The following KRIT1 variants were observed in gnomAD, a reference collection of about 807,000 sequenced individuals.
The protein encoded by KRIT1 is krev interaction trapped protein 1.
Under a neutral mutation model 95.8 loss-of-function variants are expected in KRIT1, and 45 were observed. The observed-to-expected ratio is 0.47, with a 90% CI of 0.37 to 0.60. The LOEUF is 0.60. Among genes scored for constraint, KRIT1 ranks in the 20% least tolerant of loss-of-function variants. KRIT1 has a pLI of 0.00. For synonymous variants in KRIT1, 282 were observed against 278.8 expected (o/e 1.01, Z -0.11); for missense variants, 788 against 877.5 (o/e 0.90, Z 1.29).
intron 10 of KRIT1, among the ~76,000 whole-genome samples, chr7:92,233,812 C>G (rs963160718): frequency 6.6e-6 from 1 of 152,136 alleles, no homozygotes; most frequent in Non-Finnish European, 1.5e-5. Context: ...TAGAAGATGA[C>G]TTATAGTAAA....
At chr7:92,235,205 G>A (rs920305542) in intron 8 of KRIT1, among the ~76,000 whole-genome samples, 198 bp downstream of exon 8, 4 of 152,030 alleles carry the variant, frequency 2.6e-5, no homozygotes, top group African/African-American at 4.8e-5. Flanking sequence ...TCACCATGTT[G>A]GCCAGGCTGG....
At chr7:92,226,378 T>A (rs1437980100) in intron 11 of KRIT1, 148 bp downstream of exon 11, 1 of 683,778 alleles carries the variant, frequency 1.5e-6, no homozygotes, top group Non-Finnish European at 2.6e-6. Flanking sequence ...AAAGTACAAC[T>A]CATATATTCC....
intron 17 of KRIT1, among the ~76,000 whole-genome samples, chr7:92,205,404 A>G (rs1252578848): frequency 6.6e-6 from 1 of 152,234 alleles, no homozygotes; most frequent in Non-Finnish European, 1.5e-5. Flanking sequence ...CTGGGTTTAC[A>G]GTGAAATTTC....
chr7:92,230,490 C>T (rs1341538498), intron 10 of KRIT1, among the ~76,000 whole-genome samples: 1 of 152,038 alleles, frequency 6.6e-6, no homozygotes, highest in Non-Finnish European at 1.5e-5. Flanking sequence ...GGAAACAGAT[C>T]AAAAACTCAG....
intron 17 of KRIT1, 198 bp from the exon 18 acceptor site, chr7:92,201,621 G>A: frequency 1.9e-6 from 1 of 528,520 alleles, no homozygotes; most frequent in Non-Finnish European, 3.4e-6. Context: ...ATGCCATGGT[G>A]GTTTGCTGCA....
intron 10 of KRIT1, among the ~76,000 whole-genome samples, chr7:92,231,203 G>A (rs1030907425): frequency 6.6e-6 from 1 of 152,074 alleles, no homozygotes; most frequent in Non-Finnish European, 1.5e-5. Flanking sequence ...CTCTACAAGG[G>A]GTTAAAGCCA....
At chr7:92,226,792 C>A in intron 10 of KRIT1, 110 bp from the exon 11 acceptor site, 1 of 951,986 alleles carries the variant, frequency 1.1e-6, no homozygotes, top group Non-Finnish European at 1.6e-6. Flanking sequence ...TCAAAGAAAT[C>A]TAAGAATTTT....
At chr7:92,238,005 A>C (rs1798788371) in intron 5 of KRIT1, among the ~76,000 whole-genome samples, 2 of 152,178 alleles carry the variant, frequency 1.3e-5, no homozygotes, top group Non-Finnish European at 2.9e-5. Flanking sequence ...ATAGCTAGGA[A>C]AACTGTTCTG....
At chr7:92,212,418 G>A (rs1393918746) in intron 17 of KRIT1, among the ~76,000 whole-genome samples, 1 of 152,128 alleles carries the variant, frequency 6.6e-6, no homozygotes, top group Non-Finnish European at 1.5e-5. Context: ...AAATTGGTAT[G>A]TTGAAATCCT....
At chr7:92,212,720 CTT>C (rs1003382911) in intron 17 of KRIT1, among the ~76,000 whole-genome samples, 2 of 152,168 alleles carry the variant, frequency 1.3e-5, no homozygotes, top group Admixed American at 6.5e-5. Context: ...GTCTATAGGG[CTT>C]TGTTATAGTG....
At chr7:92,222,480 T>C (rs1420886777) in intron 13 of KRIT1, among the ~76,000 whole-genome samples, 1 of 152,086 alleles carries the variant, frequency 6.6e-6, no homozygotes, top group Non-Finnish European at 1.5e-5. Context: ...AGAAAACTAA[T>C]GTAAGAGAAA....
At chr7:92,227,748 T>G (rs1171315961) in intron 10 of KRIT1, among the ~76,000 whole-genome samples, 1 of 151,818 alleles carries the variant, frequency 6.6e-6, no homozygotes, top group Admixed American at 6.6e-5. Flanking sequence ...GCGTGGTGGC[T>G]CATGCCTATA....
chr7:92,210,507 T>C (rs1049311913), intron 17 of KRIT1, among the ~76,000 whole-genome samples: 10 of 152,144 alleles, frequency 6.6e-5, no homozygotes, highest in African/African-American at 2.2e-4. Flanking sequence ...CTAGACTCCA[T>C]CTCTCACCAT....
chr7:92,236,690 G>A lies in KRIT1; in HGVS notation c.356-148C>T, dbSNP rs1798504056. On this transcript the variant is annotated intron_variant, in intron 6 of 18. Transcript: ENST00000394505. Reference sequence around the variant, plus strand: ...GGAATTAGAAGGCCTGGATTCAAGTGATGACTAGCTCTGTGACCTTGTCCA... The same window carrying A: ...GGAATTAGAAGGCCTGGATTCAAGTAATGACTAGCTCTGTGACCTTGTCCA... 4 of 625,928 alleles carry A rather than the reference G, an allele frequency of 6.4e-6. No individual in the cohort carries two copies. The East Asian group carries it at 8.6e-5, about 13-fold the overall frequency. 38.8% of individuals were successfully genotyped at this position (625,928 alleles called of 1,614,324 possible). A position where few individuals can be genotyped will look rare whatever the true frequency, so the allele number is the denominator to read the frequency against.
At chr7:92,214,339 C>T (rs979042358) in intron 15 of KRIT1, among the ~76,000 whole-genome samples, 4 of 151,670 alleles carry the variant, frequency 2.6e-5, no homozygotes, top group Non-Finnish European at 5.9e-5. Context: ...ACTACTTATT[C>T]GAGTCAGGTT....
chr7:92,224,227 G>A (rs1020098812), intron 12 of KRIT1, among the ~76,000 whole-genome samples: 1 of 152,092 alleles, frequency 6.6e-6, no homozygotes, highest in African/African-American at 2.4e-5. Flanking sequence ...AGAGGCTTAG[G>A]TAAATGGGTT....
intron 8 of KRIT1, 49 bp downstream of exon 8, chr7:92,235,352 CTT>C (rs1398318367): frequency 3.2e-6 from 5 of 1,584,892 alleles, no homozygotes; most frequent in Admixed American, 1.7e-5. Flanking sequence ...AAAAATTACA[CTT>C]GAGATAAAAC....
intron 17 of KRIT1, among the ~76,000 whole-genome samples, chr7:92,204,309 CA>C (rs1434158392): frequency 3.3e-5 from 5 of 151,384 alleles, no homozygotes; most frequent in Non-Finnish European, 7.4e-5. Flanking sequence ...GCAAATGACC[CA>C]AAAGCAAGGT....
At chr7:92,233,923 G>C (rs1055976294) in intron 10 of KRIT1, among the ~76,000 whole-genome samples, 5 of 152,186 alleles carry the variant, frequency 3.3e-5, no homozygotes, top group African/African-American at 7.2e-5. Context: ...CTAGTGGAAA[G>C]AGCTAACCCC....
Sources: allele counts gnomAD v4.1 joint callset (sites outside exome capture counted in the v4.1 genomes callset), GRCh38; gene constraint gnomAD v4.1.1; transcripts MANE v1.5; gene names NCBI Gene and HGNC (gene_info 2026-07-23, HGNC 2026-07-21).